Variants in RABL6 observed in about 807,000 individuals in gnomAD.
RABL6 encodes RAB, member RAS oncogene family like 6.
RABL6 carries 28 observed loss-of-function variants against 72.9 expected under a neutral mutation model. That is an observed-to-expected ratio of 0.38 (90% CI 0.28 to 0.53). The LOEUF (loss-of-function observed/expected upper bound fraction) is 0.53. RABL6 is among the 20% of genes least tolerant of loss of function. The pLI is 0.80. For synonymous variants in RABL6, 477 were observed against 421.2 expected (o/e 1.13, Z -1.62); for missense variants, 1,029 against 1,008.4 (o/e 1.02, Z -0.28).
chr9:136,823,611 A>T lies in RABL6; in HGVS notation c.217A>T (p.Ile73Phe). 1 of 1,613,694 alleles carries T rather than the reference A, an allele frequency of 6.2e-7. No individual in the cohort carries two copies. The change falls in exon 2 of 15, where the codon ATC becomes TTC. Residue 73 changes from isoleucine (I) to phenylalanine (F), a missense_variant. Ile to Phe is a conservative substitution (Grantham distance 21). This residue lies in a region of RABL6 where 434 missense variants were observed against 536.1 expected (regional missense o/e 0.81). Coordinates refer to ENST00000311502, the MANE Select transcript of RABL6 (RefSeq NM_024718.5). The part of the protein sequence containing the change: ...LQGRPFVEEY[I>F]PTQEIQVTSI... ...GGGCCGGCCGTTCGTGGAGGAGTAC[A>T]TCCCCACACAGGAGATCCAGGTCAC...
intron 1 of RABL6, chr9:136,821,408 T>G (rs1848233573): frequency 2.0e-6 from 2 of 985,184 alleles, no homozygotes; most frequent in African/African-American, 1.7e-5. Context: ...GCCTGAGCGG[T>G]GCCGGGGCGG....
chr9:136,840,523 G>A lies in RABL6; in HGVS notation c.*1G>A. On this transcript the variant is annotated 3_prime_UTR_variant, in exon 15 of 15. Transcript: ENST00000311502. ...GGGTGGCGACTACGAGGAGCTCTAG[G>A]CCGGCGTGGGCAGTGGCCGCCCTGG... 6.5e-7 allele frequency: 1 copy of A among 1,541,728 alleles called. No individual in the cohort carries two copies.
At chr9:136,830,511 G>A (rs971141392) in intron 5 of RABL6, among the ~76,000 whole-genome samples, 8 of 152,248 alleles carry the variant, frequency 5.3e-5, no homozygotes, top group Non-Finnish European at 8.8e-5. Flanking sequence ...CCCAGGGCAC[G>A]AGTTCAGCTC....
At chr9:136,823,920 C>T (rs893713249) in intron 2 of RABL6, among the ~76,000 whole-genome samples, 4 of 152,224 alleles carry the variant, frequency 2.6e-5, no homozygotes, top group African/African-American at 9.6e-5. Flanking sequence ...AGTGGGCACG[C>T]GGGCGCCTCG....
rs960516207 is a variant in RABL6 at position 136,832,330 on chromosome 9, A to G, written c.665A>G (p.Tyr222Cys). 2.5e-6 allele frequency: 4 copies of G among 1,613,924 alleles called. No individual in the cohort carries two copies. The highest frequency in any genetic ancestry group is 3.4e-6 in the Non-Finnish European group (4 of 1,179,826). The part of the protein sequence containing the change: ...SSMKNSFGLK[Y>C]LHKFFNIPFL... ...ATGAAGAACAGCTTCGGCCTAAAGT[A>G]CCTTCATAAGTTCTTCAATATCCCA... Residue 222 changes from tyrosine (Y) to cysteine (C), a missense_variant, in exon 7 of 15, where the codon TAC becomes TGC. Tyr to Cys is a radical substitution (Grantham distance 194, BLOSUM62 -2). Around this residue, in one of 2 missense-constraint regions of RABL6, gnomAD observed 434 missense variants for 536.1 expected, o/e 0.81. Coordinates refer to ENST00000311502, the MANE Select transcript of RABL6 (RefSeq NM_024718.5).
chr9:136,821,969 G>A (rs993289910), intron 1 of RABL6: 2 of 1,289,470 alleles, frequency 1.6e-6, no homozygotes, highest in African/African-American at 1.5e-5. Context: ...GATATGACCA[G>A]AGGCGTTGAA....
intron 7 of RABL6, chr9:136,834,081 A>G (rs1848538544): frequency 7.1e-7 from 1 of 1,408,382 alleles, no homozygotes; most frequent in African/African-American, 1.4e-5. Context: ...GGATGTGTTC[A>G]AGCAGATCTG....
chr9:136,839,925 C>T (rs1019725132), intron 13 of RABL6, 60 bp downstream of exon 13: 8 of 1,560,698 alleles, frequency 5.1e-6, no homozygotes, highest in Middle Eastern at 2.0e-4. Context: ...CGTGGGCCTC[C>T]TCCCAGCTGC....
chr9:136,819,261 G>C (rs1564361295), intron 1 of RABL6, among the ~76,000 whole-genome samples: 1 of 150,734 alleles, frequency 6.6e-6, no homozygotes, highest in Non-Finnish European at 1.5e-5. Flanking sequence ...GGCGGAGCTT[G>C]CAGTGAGCCG....
At chr9:136,822,754 G>A (rs1848266300) in intron 1 of RABL6, among the ~76,000 whole-genome samples, 1 of 152,184 alleles carries the variant, frequency 6.6e-6, no homozygotes, top group African/African-American at 2.4e-5. Context: ...CACGCGTTGT[G>A]CGTGAGCTGG....
At chr9:136,811,025 C>T (rs1021086991) in intron 1 of RABL6, among the ~76,000 whole-genome samples, 3 of 152,150 alleles carry the variant, frequency 2.0e-5, no homozygotes, top group African/African-American at 4.8e-5. Context: ...ACGTGTGGGA[C>T]ACCCACTGGT....
intron 1 of RABL6, among the ~76,000 whole-genome samples, chr9:136,812,548 G>C (rs1364095513): frequency 1.3e-5 from 2 of 151,804 alleles, no homozygotes; most frequent in East Asian, 3.9e-4. Flanking sequence ...GACAGAGTGA[G>C]ACTTCGTCTT....
At position 136,837,416 on chromosome 9, in the gene RABL6, T is replaced by A. The variant is rs1352752730; in HGVS notation, c.880T>A (p.Ser294Thr). The A allele has an allele frequency of 6.3e-7, 1 of 1,585,790 alleles. No homozygotes were observed. Among genetic ancestry groups the A allele is most frequent in the South Asian group, 1.1e-5 (1 of 87,336 alleles). Residue 294 changes from serine (S) to threonine (T), a missense_variant, in exon 9 of 15, where the codon TCC (serine) becomes ACC (threonine). Physicochemically the swap from Ser to Thr is moderately conservative, Grantham distance 58. Coordinates refer to ENST00000311502, the MANE Select transcript of RABL6 (RefSeq NM_024718.5). Reference sequence around the variant, plus strand: ...ACTGGCGGCCAACGGGCAGAGCCCATCCCCGGGCTCCCAGTCACCAGTGGT... The same window carrying A: ...ACTGGCGGCCAACGGGCAGAGCCCAACCCCGGGCTCCCAGTCACCAGTGGT... ...SPLAANGQSP[S>T]PGSQSPVVPA...
At chr9:136,811,752 A>G (rs1848017056) in intron 1 of RABL6, among the ~76,000 whole-genome samples, 1 of 152,098 alleles carries the variant, frequency 6.6e-6, no homozygotes, top group Non-Finnish European at 1.5e-5. Flanking sequence ...TTGGCCTCCC[A>G]AAGTGCTGGG....
At position 136,826,155 on chromosome 9, in the gene RABL6, C is replaced by T. The variant is rs1284147673; in HGVS notation, c.313+329C>T. On this transcript the variant is annotated intron_variant, in intron 3 of 14. Transcript: ENST00000311502. This position sits in a 1 kb window ranked among gnomAD's most constrained non-coding sequence, Gnocchi z 4.9. ...GGAGCCCTCCTCCTGCACTGCCTGG[C>T]GGAGTAGCCCAGCACCAGGCGGCCC... is the stretch of plus-strand genomic sequence containing the variant. Among the ~76,000 whole-genome samples, 2 of 152,158 alleles carry T rather than the reference C, an allele frequency of 1.3e-5. No individual in the cohort carries two copies. The highest frequency in any genetic ancestry group is 3.9e-4 in the East Asian group (2 of 5,192).
rs182650906 is a variant in RABL6, at chr9:136,829,828, G to A, written c.458+344G>A. 2.5e-3 allele frequency among the ~76,000 whole-genome samples: 377 copies of A among 152,374 alleles called. 3 individuals are homozygous for A. The highest frequency in any genetic ancestry group is 8.3e-3 in the African/African-American group (345 of 41,590). ...GTGCTGGGGGCTCCCCGCGACCTCC[G>A]TCTTCATGACCTAGGAGGACCCACA... On this transcript the variant is annotated intron_variant, in intron 5 of 14. Coordinates refer to ENST00000311502, the MANE Select transcript of RABL6 (RefSeq NM_024718.5).
intron 4 of RABL6, among the ~76,000 whole-genome samples, 195 bp downstream of exon 4, chr9:136,828,741 T>G (rs896139561): frequency 6.6e-6 from 1 of 152,062 alleles, no homozygotes; most frequent in African/African-American, 2.4e-5. Flanking sequence ...TCACCTGCAC[T>G]CGACAGACAT....
chr9:136,812,139 T>G (rs1478170525), intron 1 of RABL6, among the ~76,000 whole-genome samples: 1 of 152,206 alleles, frequency 6.6e-6, no homozygotes, highest in Admixed American at 6.5e-5. Context: ...TCAGTTGTAT[T>G]TGGTGCAGAA....
intron 3 of RABL6, chr9:136,827,519 G>C (rs1378412883): frequency 1.3e-5 from 2 of 152,314 alleles, no homozygotes; most frequent in East Asian, 3.9e-4. Context: ...GCTCGCCCGG[G>C]GGGTGCTGGT....
Sources: allele counts gnomAD v4.1 joint callset (sites outside exome capture counted in the v4.1 genomes callset), GRCh38; gene constraint gnomAD v4.1.1; regional missense constraint gnomAD v4.1.1; non-coding constraint Gnocchi (gnomAD v3.1); transcripts MANE v1.5; gene names NCBI Gene and HGNC (gene_info 2026-07-23, HGNC 2026-07-21).